RANBP2: variants seen among roughly 807,000 people sequenced by gnomAD.
RANBP2 encodes RAN binding protein 2, also known as E3 SUMO-protein ligase RanBP2.
A neutral mutation model predicts 303.6 loss-of-function variants in RANBP2; 57 were observed. That is an observed-to-expected ratio of 0.19 (90% confidence interval 0.15 to 0.23). The LOEUF (loss-of-function observed/expected upper bound fraction) is 0.23. RANBP2 is among the 10% of genes least tolerant of loss of function. The pLI, the probability that RANBP2 is intolerant of heterozygous loss-of-function variation, is 1.00. For synonymous variants in RANBP2, 1,167 were observed against 1,301.5 expected, an observed-to-expected ratio of 0.90 and a Z score of 2.23; for missense variants, 3,138 against 3,780.8, an observed-to-expected ratio of 0.83 and a Z score of 4.46.
the RANBP2 span, among the ~76,000 whole-genome samples, chr2:109,081,137 G>C: frequency 6.6e-6 from 1 of 152,164 alleles, no homozygotes; most frequent in Non-Finnish European, 1.5e-5. Context: ...ATCTCACTCA[G>C]GTTAAAATGA....
chr2:108,927,043 C>T, the RANBP2 span, among the ~76,000 whole-genome samples: 2 of 152,178 alleles, frequency 1.3e-5, no homozygotes, highest in Non-Finnish European at 2.9e-5. Context: ...GGAGGTGAGG[C>T]GGGGGCCTTC....
chr2:109,546,005 A>G, the RANBP2 span: 6 of 1,524,700 alleles, frequency 3.9e-6, no homozygotes, highest in African/African-American at 5.6e-5. Context: ...GGGCAATGTG[A>G]CAAGTGTGGG....
the RANBP2 span, among the ~76,000 whole-genome samples, chr2:108,819,511 T>C: frequency 2.0e-5 from 3 of 152,172 alleles, no homozygotes; most frequent in African/African-American, 7.2e-5. Flanking sequence ...TGCGGAGATC[T>C]GCACTTCTGC....
the RANBP2 span, among the ~76,000 whole-genome samples, chr2:109,147,430 A>G: frequency 2.0e-5 from 3 of 152,200 alleles, no homozygotes; most frequent in Non-Finnish European, 4.4e-5. Flanking sequence ...TGCTGTTTGT[A>G]TACTAGAGAA....
chr2:109,537,595 G>C, the RANBP2 span, among the ~76,000 whole-genome samples: 2 of 151,948 alleles, frequency 1.3e-5, no homozygotes, highest in East Asian at 3.9e-4. Flanking sequence ...GGATGCATTA[G>C]TTTTCTATTG....
chr2:108,980,296 T>C, the RANBP2 span, among the ~76,000 whole-genome samples: 1 of 152,020 alleles, frequency 6.6e-6, no homozygotes. Context: ...GTGAGTCACA[T>C]CCCGAAACCT....
chr2:109,198,721 A>G, the RANBP2 span, among the ~76,000 whole-genome samples: 1 of 152,176 alleles, frequency 6.6e-6, no homozygotes, highest in Non-Finnish European at 1.5e-5. Flanking sequence ...CCATTCGTGA[A>G]GGTTCCACCC....
chr2:109,435,873 T>C, the RANBP2 span, among the ~76,000 whole-genome samples: 1 of 152,250 alleles, frequency 6.6e-6, no homozygotes, highest in Admixed American at 6.5e-5. Context: ...GCTTGATTGC[T>C]GGGTGAAGTT....
rs1694030304 is a variant in RANBP2, at chr2:108,719,514, C to T, written c.-93C>T. ...TCCTCCGCCGGCTACGGCGCTGCGT[C>T]ACTGGTTTGCAGGCGCTTTCCTCTT... On this transcript the variant is annotated 5_prime_UTR_variant, in exon 1 of 29. Transcript: ENST00000283195. The T allele has an allele frequency of 6.5e-6, 10 of 1,539,034 alleles. No individual in the cohort carries two copies. The highest frequency in any genetic ancestry group is 4.9e-5 in the East Asian group (2 of 41,138).
At chr2:109,393,710 A>G in the RANBP2 span, among the ~76,000 whole-genome samples, 1 of 151,846 alleles carries the variant, frequency 6.6e-6, no homozygotes, top group African/African-American at 2.4e-5. Flanking sequence ...CCTGTCGCTC[A>G]GTGCTGAGGT....
chr2:108,981,199 G>A, the RANBP2 span, among the ~76,000 whole-genome samples: 35 of 152,168 alleles, frequency 2.3e-4, no homozygotes, highest in African/African-American at 7.2e-4. Context: ...ATGATCTGAC[G>A]TTCCACCACC....
Position 108,767,579 on chromosome 2 carries a change from G to A in RANBP2, c.7040G>A (p.Gly2347Asp), listed in dbSNP as rs777805535. 4 of 1,611,808 alleles carry A rather than the reference G, an allele frequency of 2.5e-6. No homozygotes were observed. The highest frequency in any genetic ancestry group is 2.5e-6 in the Non-Finnish European group (3 of 1,179,862). Residue 2347 changes from glycine to aspartate, a missense_variant, in exon 20 of 29, where the codon GGT becomes GAT. Coordinates refer to ENST00000283195, the MANE Select transcript of RANBP2 (RefSeq NM_006267.5). ...AKLYRYDKDV[G>D]QWKERGIGDI... ...CTCTACAGATATGATAAAGATGTTGGTCAATGGAAAGAAAGGGGCATTGGT... is the reference window on the plus strand; with the variant it reads ...CTCTACAGATATGATAAAGATGTTGATCAATGGAAAGAAAGGGGCATTGGT...
chr2:109,327,336 CAT>C, the RANBP2 span, among the ~76,000 whole-genome samples: 13 of 152,186 alleles, frequency 8.5e-5, no homozygotes, highest in Non-Finnish European at 1.8e-4. Flanking sequence ...ATCATCTGCA[CAT>C]GTTTGTGTCT....
At chr2:108,980,793 C>T in the RANBP2 span, among the ~76,000 whole-genome samples, 26 of 152,118 alleles carry the variant, frequency 1.7e-4, no homozygotes, top group East Asian at 1.2e-3. Flanking sequence ...AGTGGGGTCA[C>T]GGTGTCACTG....
chr2:109,175,144 G>A, the RANBP2 span, among the ~76,000 whole-genome samples: 6 of 152,028 alleles, frequency 3.9e-5, no homozygotes, highest in Non-Finnish European at 8.8e-5. Context: ...CCACTAAACC[G>A]GGACCTAGTC....
chr2:108,948,797 G>T, the RANBP2 span, among the ~76,000 whole-genome samples: 1 of 152,102 alleles, frequency 6.6e-6, no homozygotes, highest in Admixed American at 6.5e-5. Context: ...TTTGGCTGGG[G>T]ACACAGAGAC....
chr2:109,304,700 A>G, the RANBP2 span, among the ~76,000 whole-genome samples: 1 of 152,220 alleles, frequency 6.6e-6, no homozygotes, highest in South Asian at 2.1e-4. Flanking sequence ...GCCACTATTC[A>G]GTGCTTGGTG....
At chr2:108,839,200 A>G in the RANBP2 span, 2 of 1,609,484 alleles carry the variant, frequency 1.2e-6, no homozygotes, top group Non-Finnish European at 1.7e-6. Flanking sequence ...GCCTCTAATG[A>G]CAGAGCAGCT....
chr2:109,550,510 C>T, the RANBP2 span, among the ~76,000 whole-genome samples: 2 of 151,976 alleles, frequency 1.3e-5, no homozygotes, highest in African/African-American at 4.8e-5. Context: ...GATGGGGTTT[C>T]ACCATATTGA....
Sources: gnomAD v4.1 joint callset for allele counts (sites outside exome capture counted in the v4.1 genomes callset) on GRCh38, gnomAD v4.1.1 for gene constraint, MANE v1.5 for transcripts, NCBI Gene and HGNC (gene_info 2026-07-23, HGNC 2026-07-21) for gene names.